EPHB2: variants seen among roughly 807,000 people sequenced by gnomAD.
EPHB2 encodes the protein ephrin type-B receptor 2.
Under a neutral mutation model 96.4 loss-of-function variants are expected in EPHB2, and 18 were observed. The ratio of observed to expected loss-of-function variants is 0.19; its 90% confidence interval spans 0.13 to 0.28. The LOEUF is 0.28. Among genes scored for constraint, EPHB2 ranks in the 10% least tolerant of loss-of-function variants. The pLI is 1.00. For missense variants in EPHB2, 989 were observed against 1,355.4 expected, an observed-to-expected ratio of 0.73 and a Z score of 4.25; for synonymous variants, 506 against 534.1, an observed-to-expected ratio of 0.95 and a Z score of 0.72.
chr1:22,718,992 A>C (rs1020109720), intron 1 of EPHB2, among the ~76,000 whole-genome samples: 1 of 152,212 alleles, frequency 6.6e-6, no homozygotes, highest in Non-Finnish European at 1.5e-5. Context: ...CAGCTCCATC[A>C]ACATCCTGAG....
At chr1:22,808,053 G>C (rs112686537) in intron 3 of EPHB2, among the ~76,000 whole-genome samples, 8,206 of 151,954 alleles carry the variant, frequency 0.054, 655 homozygotes, top group African/African-American at 0.18. Flanking sequence ...AGAATTGCTT[G>C]AGCCTGGGAG....
chr1:22,728,797 T>C (rs1271481634), intron 1 of EPHB2, among the ~76,000 whole-genome samples: 1 of 152,204 alleles, frequency 6.6e-6, no homozygotes, highest in Non-Finnish European at 1.5e-5. Context: ...CAATGCTCAC[T>C]TCCCCTCTGG....
intron 6 of EPHB2, among the ~76,000 whole-genome samples, chr1:22,889,609 G>T (rs1639330189): frequency 6.6e-6 from 1 of 152,176 alleles, no homozygotes; most frequent in Non-Finnish European, 1.5e-5. Flanking sequence ...TAGGACAATA[G>T]GTGGGAGGGG....
At chr1:22,864,834 C>G (rs1010801306) in intron 4 of EPHB2, 43 bp from the exon 5 acceptor site, 2 of 1,316,348 alleles carry the variant, frequency 1.5e-6, no homozygotes, top group South Asian at 2.7e-5. Flanking sequence ...GGGAATAGTA[C>G]CCCCTGAGCC....
Position 22,905,983 on chromosome 1 carries a change from C to A in EPHB2, c.1766-4C>A. The A allele has an allele frequency of 6.2e-7, 1 of 1,614,054 alleles. No individual in the cohort carries two copies. The highest frequency in any genetic ancestry group is 2.2e-5 in the East Asian group (1 of 44,866). On this transcript the variant is annotated splice_region_variant and splice_polypyrimidine_tract_variant and intron_variant, in intron 9 of 15. Transcript: ENST00000374630. Reference sequence around the variant, plus strand: ...ATATGACAGAGCCTGGTCTTGTCCCCCAGTGACCCCAGGCATGAAGATCTA... The same window carrying A: ...ATATGACAGAGCCTGGTCTTGTCCCACAGTGACCCCAGGCATGAAGATCTA...
intron 1 of EPHB2, among the ~76,000 whole-genome samples, chr1:22,737,957 C>A (rs910378959): frequency 7.2e-5 from 11 of 152,222 alleles, no homozygotes; most frequent in Non-Finnish European, 1.0e-4. Flanking sequence ...TGGAATGAGA[C>A]TGGATCTGGG....
chr1:22,773,374 C>A (rs1001540404), intron 1 of EPHB2, among the ~76,000 whole-genome samples: 4 of 152,198 alleles, frequency 2.6e-5, no homozygotes, highest in Admixed American at 6.5e-5. Context: ...CCCAGCCAGG[C>A]CTAGCTTCAG....
chr1:22,805,863 C>G (rs12408669), intron 3 of EPHB2, among the ~76,000 whole-genome samples: 1 of 152,170 alleles, frequency 6.6e-6, no homozygotes, highest in Admixed American at 6.5e-5. Flanking sequence ...CTAAAGCAGC[C>G]GCCTGGGGTG....
At chr1:22,814,979 T>C (rs1245310076) in intron 3 of EPHB2, among the ~76,000 whole-genome samples, 1 of 152,222 alleles carries the variant, frequency 6.6e-6, no homozygotes, top group Non-Finnish European at 1.5e-5. Context: ...CCAGTCGCCC[T>C]CTATGGCCAC....
At chr1:22,819,205 GTCTCTCTCTCTCTCTCTCTCTC>G (rs71020453) in intron 3 of EPHB2, among the ~76,000 whole-genome samples, 1 of 103,394 alleles carries the variant, frequency 9.7e-6, no homozygotes, top group African/African-American at 3.6e-5. Context: ...CCCAGCAGAT[GTCTCTCTCTCTCTCTCTCTCTC>G]TCTCTCTCTC....
At chr1:22,910,325 A>G in intron 13 of EPHB2, 57 bp from the exon 14 acceptor site, 1 of 1,605,500 alleles carries the variant, frequency 6.2e-7, no homozygotes, top group Non-Finnish European at 8.5e-7. Flanking sequence ...GGCCTGGCAG[A>G]GGGTAGACGC....
chr1:22,892,777 G>A (rs1639429434), intron 6 of EPHB2, 107 bp from the exon 7 acceptor site: 1 of 1,379,608 alleles, frequency 7.2e-7, no homozygotes, highest in South Asian at 1.2e-5. Context: ...AACCATAGAT[G>A]TTTATCCAAT....
At chr1:22,736,928 C>T (rs1314671053) in intron 1 of EPHB2, among the ~76,000 whole-genome samples, 1 of 152,190 alleles carries the variant, frequency 6.6e-6, no homozygotes, top group Non-Finnish European at 1.5e-5. Context: ...CAGCCGCCAC[C>T]TTGGCCATGG....
At chr1:22,748,442 C>T (rs898948007) in intron 1 of EPHB2, among the ~76,000 whole-genome samples, 3 of 150,196 alleles carry the variant, frequency 2.0e-5, no homozygotes, top group African/African-American at 4.9e-5. Context: ...AGTGCAGTGG[C>T]GTGATCTCAG....
chr1:22,884,113 C>T (rs114827766), intron 6 of EPHB2, among the ~76,000 whole-genome samples: 4,581 of 152,206 alleles, frequency 0.03, 120 homozygotes, highest in Non-Finnish European at 0.043. Flanking sequence ...GCACCGCATG[C>T]GGGCGGAGGG....
chr1:22,756,714 C>T (rs529852203), intron 1 of EPHB2, among the ~76,000 whole-genome samples: 10 of 152,272 alleles, frequency 6.6e-5, no homozygotes, highest in Non-Finnish European at 1.2e-4. Flanking sequence ...CTGGGCCAGC[C>T]CCAGAACAAG....
intron 3 of EPHB2, among the ~76,000 whole-genome samples, 189 bp from the exon 4 acceptor site, chr1:22,862,848 C>A (rs563172752): frequency 6.6e-6 from 1 of 152,260 alleles, no homozygotes; most frequent in East Asian, 1.9e-4. Flanking sequence ...ACTAGGGAGC[C>A]CTGACAGAAT....
At chr1:22,826,828 C>G (rs1645231601) in intron 3 of EPHB2, among the ~76,000 whole-genome samples, 1 of 152,198 alleles carries the variant, frequency 6.6e-6, no homozygotes, top group Admixed American at 6.5e-5. Context: ...CTGCCTCCCC[C>G]AGGACAGCAA....
intron 1 of EPHB2, among the ~76,000 whole-genome samples, chr1:22,753,501 C>T (rs548328606): frequency 1.3e-5 from 2 of 152,022 alleles, no homozygotes; most frequent in South Asian, 2.1e-4. Context: ...ATGGAGGAAG[C>T]GCAGGCACCA....
Sources: gnomAD v4.1 joint callset for allele counts (sites outside exome capture counted in the v4.1 genomes callset) on GRCh38, gnomAD v4.1.1 for gene constraint, MANE v1.5 for transcripts, NCBI Gene and HGNC (gene_info 2026-07-23, HGNC 2026-07-21) for gene names.